The following ADORA2B variants were observed in gnomAD, a reference collection of about 807,000 sequenced individuals.
ADORA2B encodes the protein adenosine receptor A2b.
A neutral mutation model predicts 20.8 loss-of-function variants in ADORA2B; 18 were observed. The ratio of observed to expected loss-of-function variants is 0.87; its 90% CI spans 0.60 to 1.29. The LOEUF is 1.29. Among genes scored for constraint, ADORA2B ranks in the 50% most tolerant of loss-of-function variants. The probability of loss-of-function intolerance (pLI) is 0.00; values close to 1 mark genes in which losing one functional copy is unlikely to be tolerated. For synonymous variants in ADORA2B, 179 were observed against 178.3 expected (o/e 1.00, Z -0.03); for missense variants, 441 against 422.7 (o/e 1.04, Z -0.38).
At chr17:15,945,948 A>T (rs1490610354) in intron 1 of ADORA2B, among the ~76,000 whole-genome samples, 1 of 151,976 alleles carries the variant, frequency 6.6e-6, no homozygotes, top group African/African-American at 2.4e-5. Context: ...AGTTTTGGTG[A>T]TCACATCTCC....
At chr17:15,943,795 C>G (rs545397437), upstream of ADORA2B, among the ~76,000 whole-genome samples, 1 of 152,356 alleles carries the variant, frequency 6.6e-6, no homozygotes, top group South Asian at 2.1e-4. Flanking sequence ...TACCCTTTAG[C>G]AGTCACCCCA....
chr17:15,887,374 A>G, the ADORA2B span, among the ~76,000 whole-genome samples: 2 of 131,304 alleles, frequency 1.5e-5, no homozygotes, highest in Non-Finnish European at 3.2e-5. Flanking sequence ...TGAAATCCCA[A>G]CAGACTTTCT....
chr17:15,899,471 G>T, the ADORA2B span, among the ~76,000 whole-genome samples: 1 of 152,084 alleles, frequency 6.6e-6, no homozygotes. Flanking sequence ...TTGAGATTCC[G>T]GGAGTACATG....
At chr17:15,873,588 A>C in the ADORA2B span, among the ~76,000 whole-genome samples, 2 of 152,346 alleles carry the variant, frequency 1.3e-5, no homozygotes, top group East Asian at 3.9e-4. Flanking sequence ...AAAGGATATG[A>C]ATAGACATTT....
At chr17:15,951,072 C>T (rs564620203) in intron 1 of ADORA2B, among the ~76,000 whole-genome samples, 14 of 152,344 alleles carry the variant, frequency 9.2e-5, no homozygotes, top group Admixed American at 2.6e-4. Context: ...TGTCAGGCTA[C>T]GTCATGCCCG....
the ADORA2B span, among the ~76,000 whole-genome samples, chr17:15,881,549 A>G: frequency 6.6e-6 from 1 of 152,174 alleles, no homozygotes; most frequent in Non-Finnish European, 1.5e-5. Flanking sequence ...ATCATCCCAA[A>G]CTGAGCTCTG....
the ADORA2B span, among the ~76,000 whole-genome samples, chr17:15,872,208 C>T: frequency 6.6e-6 from 1 of 152,192 alleles, no homozygotes; most frequent in East Asian, 1.9e-4. Context: ...GATGGTCGCA[C>T]AACATTGGGA....
At position 15,975,013 on chromosome 17, in the gene ADORA2B, A is replaced by G. The variant is rs1597433407; in HGVS notation, c.670A>G (p.Thr224Ala). Residue 224 changes from threonine to alanine, a missense_variant, in exon 2 of 2, where the codon ACC becomes GCC. Physicochemically the swap from Thr to Ala is moderately conservative, Grantham distance 58 (BLOSUM62 0). Transcript: ENST00000304222. ...CACTGAGCTGATGGACCACTCGAGG[A>G]CCACCCTCCAGCGGGAGATCCATGC... ...QRTELMDHSR[T>A]TLQREIHAAK... is the part of the protein sequence containing the mutation. 6.2e-7 allele frequency: 1 copy of G among 1,614,082 alleles called. No individual in the cohort carries two copies. The highest frequency in any genetic ancestry group is 8.5e-7 in the Non-Finnish European group (1 of 1,180,028).
At chr17:15,958,410 C>G (rs1969997072) in intron 1 of ADORA2B, among the ~76,000 whole-genome samples, 1 of 152,236 alleles carries the variant, frequency 6.6e-6, no homozygotes, top group African/African-American at 2.4e-5. Context: ...CCTATCTGGT[C>G]TCTCCGCATC....
the ADORA2B span, among the ~76,000 whole-genome samples, chr17:15,894,625 A>G: frequency 1.2e-4 from 18 of 152,224 alleles, no homozygotes; most frequent in African/African-American, 3.4e-4. Flanking sequence ...ATGGAAAGAC[A>G]TAGAAAGATT....
At chr17:15,863,377 G>A in the ADORA2B span, among the ~76,000 whole-genome samples, 1 of 151,846 alleles carries the variant, frequency 6.6e-6, no homozygotes, top group Non-Finnish European at 1.5e-5. Flanking sequence ...TGGGGGTCTC[G>A]CTCTGTTGCC....
At chr17:15,926,300 A>G in the ADORA2B span, among the ~76,000 whole-genome samples, 1 of 151,988 alleles carries the variant, frequency 6.6e-6, no homozygotes, top group Non-Finnish European at 1.5e-5. Flanking sequence ...GCAGACAAGA[A>G]ACAGCCCAAT....
the ADORA2B span, among the ~76,000 whole-genome samples, chr17:15,861,631 AAGG>A: frequency 2.0e-5 from 3 of 152,180 alleles, no homozygotes; most frequent in Non-Finnish European, 4.4e-5. Flanking sequence ...ATCAGTGTTT[AAGG>A]AGGACTTTGG....
At chr17:15,860,707 A>G in the ADORA2B span, 2 of 152,340 alleles carry the variant, frequency 1.3e-5, no homozygotes, top group Admixed American at 1.3e-4. Context: ...CATCAGAAGC[A>G]TATATATGTT....
At chr17:15,932,308 C>A in the ADORA2B span, among the ~76,000 whole-genome samples, 1 of 151,808 alleles carries the variant, frequency 6.6e-6, no homozygotes, top group African/African-American at 2.4e-5. Context: ...GCCTGGCCAA[C>A]ATGGTGAAAC....
intron 1 of ADORA2B, among the ~76,000 whole-genome samples, chr17:15,968,523 T>C (rs1187166616): frequency 6.6e-6 from 1 of 152,098 alleles, no homozygotes; most frequent in Non-Finnish European, 1.5e-5. Flanking sequence ...CCCAGGAGGG[T>C]GGCAGAAGCC....
At chr17:15,919,989 C>G in the ADORA2B span, among the ~76,000 whole-genome samples, 28,469 of 152,124 alleles carry the variant, frequency 0.19, 3,043 homozygotes, top group Non-Finnish European at 0.24. Context: ...GAGTTTTAAA[C>G]CTTTTCCCTA....
chr17:15,911,069 C>T, the ADORA2B span, among the ~76,000 whole-genome samples: 4 of 152,322 alleles, frequency 2.6e-5, no homozygotes, highest in Non-Finnish European at 4.4e-5. Flanking sequence ...GCATGGAGAA[C>T]CACTAAGTGG....
chr17:15,852,854 A>G, the ADORA2B span, among the ~76,000 whole-genome samples: 10 of 152,336 alleles, frequency 6.6e-5, no homozygotes, highest in Middle Eastern at 3.4e-3. Flanking sequence ...AGAAAAGGAC[A>G]TAAGAGCTAC....
Sources: allele counts gnomAD v4.1 joint callset (sites outside exome capture counted in the v4.1 genomes callset), GRCh38; gene constraint gnomAD v4.1.1; transcripts MANE v1.5; gene names NCBI Gene and HGNC (gene_info 2026-07-23, HGNC 2026-07-21).